UTS2: variants seen among roughly 807,000 people sequenced by gnomAD.
UTS2 encodes the protein urotensin 2, also known as urotensin-2.
Under a neutral mutation model 12.6 loss-of-function variants are expected in UTS2, and 10 were observed. That is an observed-to-expected ratio of 0.80 (90% CI 0.49 to 1.35). The LOEUF (loss-of-function observed/expected upper bound fraction) is 1.35. UTS2 is among the 40% of genes most tolerant of loss of function. UTS2 has a pLI of 0.00. For missense variants in UTS2, 142 were observed against 143.2 expected, an observed-to-expected ratio of 0.99 and a Z score of 0.04; for synonymous variants, 52 against 50.0, an observed-to-expected ratio of 1.04 and a Z score of -0.17.
chr1:7,904,921 A>AC, the UTS2 span, among the ~76,000 whole-genome samples: 1 of 150,548 alleles, frequency 6.6e-6, no homozygotes. Context: ...AAAAAAAAAA[A>AC]AAAAGCCCAC....
At chr1:7,902,679 G>A in the UTS2 span, among the ~76,000 whole-genome samples, 819 of 152,118 alleles carry the variant, frequency 5.4e-3, 7 homozygotes, top group African/African-American at 0.019. Flanking sequence ...TTCCCACCTC[G>A]GCCTCCCAAA....
the UTS2 span, among the ~76,000 whole-genome samples, chr1:7,904,529 C>T: frequency 6.1e-3 from 922 of 151,268 alleles, 8 homozygotes; most frequent in African/African-American, 0.022. Context: ...TTTGTTTTTA[C>T]TTTGATTTTA....
At chr1:7,899,473 T>C in the UTS2 span, among the ~76,000 whole-genome samples, 12,965 of 152,240 alleles carry the variant, frequency 0.085, 1,818 homozygotes, top group African/African-American at 0.29. Flanking sequence ...TTTTTTTCTT[T>C]AGATATCCCT....
chr1:7,870,487 T>C, the UTS2 span, among the ~76,000 whole-genome samples: 1 of 152,330 alleles, frequency 6.6e-6, no homozygotes, highest in East Asian at 1.9e-4. Context: ...ACTAAGACAG[T>C]ATCCTTCACA....
At chr1:7,902,486 C>T in the UTS2 span, among the ~76,000 whole-genome samples, 6 of 152,276 alleles carry the variant, frequency 3.9e-5, no homozygotes, top group African/African-American at 1.4e-4. Context: ...ACTTCCACTC[C>T]CCATACATTT....
chr1:7,893,250 C>T, the UTS2 span, among the ~76,000 whole-genome samples: 9 of 152,178 alleles, frequency 5.9e-5, no homozygotes, highest in Admixed American at 3.3e-4. Flanking sequence ...CAGTGGCTCA[C>T]GCCTGTAATA....
At chr1:7,899,639 C>T in the UTS2 span, among the ~76,000 whole-genome samples, 2 of 152,296 alleles carry the variant, frequency 1.3e-5, no homozygotes, top group African/African-American at 4.8e-5. Flanking sequence ...TCCTGAGTAG[C>T]TGGGACTACA....
the UTS2 span, among the ~76,000 whole-genome samples, chr1:7,899,989 C>T: frequency 6.6e-5 from 10 of 152,142 alleles, no homozygotes; most frequent in Non-Finnish European, 1.2e-4. Context: ...GCAGAGAGAG[C>T]GAGAGTGTAC....
chr1:7,881,309 GAAAT>G, the UTS2 span, among the ~76,000 whole-genome samples: 1 of 152,258 alleles, frequency 6.6e-6, no homozygotes, highest in African/African-American at 2.4e-5. Flanking sequence ...GCAAGAGAAA[GAAAT>G]AAAAGGCATC....
chr1:7,877,054 C>A, the UTS2 span, among the ~76,000 whole-genome samples: 1 of 149,632 alleles, frequency 6.7e-6, no homozygotes, highest in South Asian at 2.1e-4. Flanking sequence ...TGCTTGAACC[C>A]CAGAGGCAGG....
At chr1:7,856,795 T>C (rs1638318779), upstream of UTS2, among the ~76,000 whole-genome samples, 1 of 151,704 alleles carries the variant, frequency 6.6e-6, no homozygotes, top group Non-Finnish European at 1.5e-5. Context: ...GCACGGTGGC[T>C]CAGACTTGTA....
chr1:7,911,555 G>T, the UTS2 span, among the ~76,000 whole-genome samples: 1 of 152,002 alleles, frequency 6.6e-6, no homozygotes, highest in Non-Finnish European at 1.5e-5. Context: ...AAAATTACTG[G>T]GTCCAAAGCC....
At chr1:7,871,150 G>A in the UTS2 span, among the ~76,000 whole-genome samples, 1 of 152,304 alleles carries the variant, frequency 6.6e-6, no homozygotes, top group Middle Eastern at 3.4e-3. Context: ...TTCTTGCTTT[G>A]GTCTGAGCAG....
chr1:7,894,703 CG>C, the UTS2 span, among the ~76,000 whole-genome samples: 1 of 152,078 alleles, frequency 6.6e-6, no homozygotes, highest in Non-Finnish European at 1.5e-5. Context: ...AAAATATGGC[CG>C]GGCGCGGTGG....
At chr1:7,862,058 G>A in the UTS2 span, among the ~76,000 whole-genome samples, 4 of 151,596 alleles carry the variant, frequency 2.6e-5, no homozygotes, top group Admixed American at 1.3e-4. Flanking sequence ...GATTACAGGG[G>A]CTGCCCACCA....
the UTS2 span, among the ~76,000 whole-genome samples, chr1:7,902,055 C>T: frequency 6.6e-6 from 1 of 152,070 alleles, no homozygotes; most frequent in Non-Finnish European, 1.5e-5. Flanking sequence ...CTGGACTCAG[C>T]GCTGGTAACA....
the UTS2 span, among the ~76,000 whole-genome samples, chr1:7,895,066 T>C: frequency 6.6e-6 from 1 of 151,222 alleles, no homozygotes; most frequent in Non-Finnish European, 1.5e-5. Context: ...TGACTCAATT[T>C]GTCGGTTAAA....
At chr1:7,870,261 T>A in the UTS2 span, among the ~76,000 whole-genome samples, 1 of 151,936 alleles carries the variant, frequency 6.6e-6, no homozygotes, top group African/African-American at 2.4e-5. Context: ...AGAGAGAAGA[T>A]GAGGACACAG....
chr1:7,861,063 G>A, the UTS2 span, among the ~76,000 whole-genome samples: 1 of 132,806 alleles, frequency 7.5e-6, no homozygotes, highest in East Asian at 2.0e-4. Context: ...AAAAAAAAAG[G>A]CTCACTCCAG....
Sources: gnomAD v4.1 joint callset for allele counts (sites outside exome capture counted in the v4.1 genomes callset) on GRCh38, gnomAD v4.1.1 for gene constraint, MANE v1.5 for transcripts, NCBI Gene and HGNC (gene_info 2026-07-23, HGNC 2026-07-21) for gene names.